The following ERBB4 variants were observed in gnomAD, a reference collection of about 807,000 sequenced individuals.
ERBB4 encodes the protein receptor tyrosine-protein kinase erbB-4.
In ERBB4, 42 loss-of-function variants were observed where a neutral mutation model predicts 158.0. The ratio of observed to expected loss-of-function variants is 0.27; its 90% confidence interval spans 0.21 to 0.34. The LOEUF is 0.34. ERBB4 is among the 10% of genes least tolerant of loss of function. ERBB4 has a pLI of 1.00. For synonymous variants in ERBB4, 583 were observed against 558.7 expected (o/e 1.04, Z -0.61); for missense variants, 1,333 against 1,624.1 (o/e 0.82, Z 3.08).
chr2:211,682,061 C>G (rs2072363982), intron 12 of ERBB4, among the ~76,000 whole-genome samples: 1 of 145,824 alleles, frequency 6.9e-6, no homozygotes, highest in African/African-American at 2.6e-5. Flanking sequence ...CACACACACA[C>G]ACACACACAC....
intron 12 of ERBB4, among the ~76,000 whole-genome samples, chr2:211,698,172 C>T (rs889249870): frequency 6.6e-6 from 1 of 151,930 alleles, no homozygotes; most frequent in East Asian, 1.9e-4. Flanking sequence ...CAAAATTAGG[C>T]GTGGTGGCGC....
intron 15 of ERBB4, among the ~76,000 whole-genome samples, chr2:211,660,433 A>G (rs1466351338): frequency 1.3e-5 from 2 of 152,266 alleles, no homozygotes; most frequent in Non-Finnish European, 2.9e-5. Flanking sequence ...TGAAAGTGAA[A>G]TGATCAAAGG....
chr2:211,988,086 TTTTATTATCAGGC>T (rs1180088949), intron 2 of ERBB4, among the ~76,000 whole-genome samples: 1 of 152,208 alleles, frequency 6.6e-6, no homozygotes, highest in Non-Finnish European at 1.5e-5. Context: ...ATTAGGACTT[TTTTATTATCAGGC>T]TTGATTAAGG....
intron 1 of ERBB4, among the ~76,000 whole-genome samples, chr2:212,199,414 C>T (rs955153817): frequency 3.3e-5 from 5 of 152,108 alleles, no homozygotes; most frequent in African/African-American, 1.2e-4. Context: ...TAAAAATAAT[C>T]TACCTGGATC....
intron 3 of ERBB4, 58 bp from the exon 4 acceptor site, chr2:211,788,217 A>G: frequency 1.5e-6 from 2 of 1,316,660 alleles, no homozygotes; most frequent in Non-Finnish European, 2.2e-6. Context: ...ATGAAAAGGT[A>G]ATCAACAAAA....
intron 1 of ERBB4, among the ~76,000 whole-genome samples, chr2:212,224,072 T>C (rs1002287499): frequency 6.6e-6 from 1 of 151,944 alleles, no homozygotes; most frequent in African/African-American, 2.4e-5. Context: ...GTTATATTTA[T>C]GGATCAAAAA....
At chr2:212,194,291 TAC>T (rs5838307) in intron 1 of ERBB4, among the ~76,000 whole-genome samples, 23,483 of 148,742 alleles carry the variant, frequency 0.16, 2,239 homozygotes, top group Non-Finnish European at 0.21. Context: ...AAATAGTTTA[TAC>T]ACACACACAC....
At chr2:211,964,610 T>A (rs2081264986) in intron 2 of ERBB4, among the ~76,000 whole-genome samples, 1 of 152,190 alleles carries the variant, frequency 6.6e-6, no homozygotes, top group Non-Finnish European at 1.5e-5. Flanking sequence ...CTTAAGCAGG[T>A]TCCAGTACTA....
At chr2:212,257,010 C>T (rs2084762974) in intron 1 of ERBB4, among the ~76,000 whole-genome samples, 1 of 152,016 alleles carries the variant, frequency 6.6e-6, no homozygotes, top group South Asian at 2.1e-4. Flanking sequence ...ACGAATGATC[C>T]CACCACCCAG....
intron 1 of ERBB4, among the ~76,000 whole-genome samples, chr2:212,448,771 A>G (rs1323350765): frequency 6.6e-6 from 1 of 152,064 alleles, no homozygotes. Context: ...TGATACTAGT[A>G]TATTTTCCTT....
chr2:212,223,778 A>G (rs1393261228), intron 1 of ERBB4, among the ~76,000 whole-genome samples: 2 of 151,758 alleles, frequency 1.3e-5, no homozygotes, highest in Non-Finnish European at 3.0e-5. Context: ...CATCTGATAT[A>G]TAAGCTTTTA....
chr2:212,260,081 A>G lies in ERBB4; in HGVS notation c.83-135178T>C, dbSNP rs116032103. 9.8e-3 allele frequency among the ~76,000 whole-genome samples: 1,462 copies of G among 148,886 alleles called. 20 individuals are homozygous for G. Among genetic ancestry groups the G allele is most frequent in the Non-Finnish European group, 0.017 (1,127 of 67,512 alleles). ...GAGACTCTGTCTCAGAAAAAAAAAA[A>G]AAAAGAAAAGAAAAGAAATGTACTA... On this transcript the variant is annotated intron_variant, in intron 1 of 27. Coordinates refer to ENST00000342788, the MANE Select transcript of ERBB4 (RefSeq NM_005235.3).
intron 1 of ERBB4, among the ~76,000 whole-genome samples, chr2:212,393,041 C>G (rs1202787074): frequency 6.6e-6 from 1 of 152,008 alleles, no homozygotes; most frequent in Non-Finnish European, 1.5e-5. Context: ...AAAGCAAGCC[C>G]TGGGCAAATT....
At chr2:211,891,087 A>C (rs1233100384) in intron 3 of ERBB4, among the ~76,000 whole-genome samples, 1 of 22,190 alleles carries the variant, frequency 4.5e-5, no homozygotes, top group Non-Finnish European at 8.5e-5. Flanking sequence ...CTCCACCCCA[A>C]ATCAACAGAA....
intron 12 of ERBB4, among the ~76,000 whole-genome samples, chr2:211,696,329 T>C (rs1162946455): frequency 6.6e-6 from 1 of 152,106 alleles, no homozygotes; most frequent in Non-Finnish European, 1.5e-5. Context: ...CAAGATGATC[T>C]TGAACTCCTG....
chr2:211,572,233 A>G (rs540384168), intron 19 of ERBB4, among the ~76,000 whole-genome samples: 3 of 152,338 alleles, frequency 2.0e-5, no homozygotes, highest in Non-Finnish European at 2.9e-5. Flanking sequence ...GATTGACAAC[A>G]TAGAGTCGTA....
At chr2:211,756,978 T>A (rs750100646) in intron 4 of ERBB4, among the ~76,000 whole-genome samples, 1 of 152,318 alleles carries the variant, frequency 6.6e-6, no homozygotes, top group Middle Eastern at 3.4e-3. Context: ...AATATACATA[T>A]AGCTTTGTTT....
At chr2:211,764,057 G>A (rs2106247971) in intron 4 of ERBB4, among the ~76,000 whole-genome samples, 1 of 152,172 alleles carries the variant, frequency 6.6e-6, no homozygotes, top group East Asian at 1.9e-4. Flanking sequence ...GACCCAAAAG[G>A]CATTATAGTA....
chr2:211,834,025 A>G (rs1350760896), intron 3 of ERBB4, among the ~76,000 whole-genome samples: 3 of 151,956 alleles, frequency 2.0e-5, no homozygotes, highest in Non-Finnish European at 4.4e-5. Context: ...TCCCTTCTAG[A>G]CCTTTAATTT....
Sources: gnomAD v4.1 joint callset for allele counts (sites outside exome capture counted in the v4.1 genomes callset) on GRCh38, gnomAD v4.1.1 for gene constraint, MANE v1.5 for transcripts, NCBI Gene and HGNC (gene_info 2026-07-23, HGNC 2026-07-21) for gene names.